The following CDA variants were observed in gnomAD, a reference collection of about 807,000 sequenced individuals.
CDA encodes cytidine deaminase.
A neutral mutation model predicts 15.0 loss-of-function variants in CDA; 7 were observed. The observed-to-expected ratio is 0.47, with a 90% CI of 0.26 to 0.87. The LOEUF (loss-of-function observed/expected upper bound fraction) is 0.87. CDA is among the 40% of genes least tolerant of loss of function. The pLI is 0.15. For missense variants in CDA, 159 were observed against 182.7 expected (o/e 0.87, Z 0.75); for synonymous variants, 58 against 73.0 (o/e 0.79, Z 1.05).
rs753467169 is a variant in CDA at position 20,618,572 on chromosome 1, C to G, written c.*4C>G. The G allele has an allele frequency of 5.9e-6, 9 of 1,525,824 alleles. No individual in the cohort carries two copies. In the South Asian group the frequency reaches 9.0e-5, roughly 15 times the overall value. The allele number at this position is 1,525,824 out of a possible 1,614,324, so 94.5% of individuals were successfully genotyped here. A position where few individuals can be genotyped will look rare whatever the true frequency, so the allele number is the denominator to read the frequency against. The stretch of plus-strand genomic sequence containing the variant: ...GGACCTGCAGAAGACCCAGTGACAG[C>G]CAGAGAATGCCCACTGCCTGTAACA... On this transcript the variant is annotated 3_prime_UTR_variant, in exon 4 of 4. Coordinates refer to ENST00000375071, the MANE Select transcript of CDA (RefSeq NM_001785.3).
At chr1:20,597,168 G>A (rs2052598996) in intron 1 of CDA, among the ~76,000 whole-genome samples, 1 of 152,132 alleles carries the variant, frequency 6.6e-6, no homozygotes. Context: ...GAAGAGTCTG[G>A]CCGGGCGCCG....
At chr1:20,608,349 A>G (rs2052713241) in intron 2 of CDA, among the ~76,000 whole-genome samples, 1 of 118,320 alleles carries the variant, frequency 8.5e-6, no homozygotes, top group Admixed American at 9.4e-5. Context: ...CGATTTCTGT[A>G]AAGTTCCTGA....
At chr1:20,602,206 G>GTA (rs959727921) in intron 1 of CDA, among the ~76,000 whole-genome samples, 30 of 151,924 alleles carry the variant, frequency 2.0e-4, no homozygotes, top group African/African-American at 7.0e-4. Context: ...AAATCAATAA[G>GTA]TATACAGTGA....
chr1:20,613,519 A>G (rs1010723220), intron 2 of CDA, among the ~76,000 whole-genome samples: 2 of 152,216 alleles, frequency 1.3e-5, no homozygotes, highest in Non-Finnish European at 2.9e-5. Flanking sequence ...TTTGTTTAAC[A>G]TGATAACTCA....
intron 1 of CDA, among the ~76,000 whole-genome samples, chr1:20,592,783 G>C (rs982453031): frequency 2.0e-5 from 3 of 152,314 alleles, no homozygotes; most frequent in African/African-American, 7.2e-5. Flanking sequence ...CATGGACCGG[G>C]CCTGGCATGG....
intron 2 of CDA, 97 bp from the exon 3 acceptor site, chr1:20,613,745 C>T (rs1553143752): frequency 8.4e-7 from 1 of 1,192,194 alleles, no homozygotes; most frequent in South Asian, 1.2e-5. Flanking sequence ...GGGTATGACC[C>T]AAATCAGGAA....
chr1:20,601,200 C>A (rs182165520), intron 1 of CDA, among the ~76,000 whole-genome samples: 1 of 152,168 alleles, frequency 6.6e-6, no homozygotes, highest in African/African-American at 2.4e-5. Flanking sequence ...CCATTTCAGC[C>A]TCTCTCATTG....
At chr1:20,595,626 G>C (rs2052585677) in intron 1 of CDA, among the ~76,000 whole-genome samples, 1 of 152,164 alleles carries the variant, frequency 6.6e-6, no homozygotes, top group Non-Finnish European at 1.5e-5. Context: ...TCACTCAAAA[G>C]TGGCTCATTT....
chr1:20,595,765 C>T (rs188313511), intron 1 of CDA, among the ~76,000 whole-genome samples: 137 of 140,914 alleles, frequency 9.7e-4, no homozygotes, highest in African/African-American at 3.3e-3. Context: ...GCCTGAGCCC[C>T]GGTGGTGGAG....
chr1:20,618,492 G>T lies in CDA; in HGVS notation c.365G>T (p.Gly122Val). The T allele has an allele frequency of 6.2e-7, 1 of 1,613,658 alleles. No homozygotes were observed. Residue 122 changes from glycine to valine, a missense_variant, in exon 4 of 4, where the codon GGT becomes GTT. Physicochemically the swap from Gly to Val is moderately radical, Grantham distance 109. Transcript: ENST00000375071. ...CCCGTGTACATGACCAAGCCGGATG[G>T]TACGTATATTGTCATGACGGTCCAG... ...NWPVYMTKPD[G>V]TYIVMTVQEL...
At chr1:20,593,139 T>G (rs1157295696) in intron 1 of CDA, among the ~76,000 whole-genome samples, 1 of 152,064 alleles carries the variant, frequency 6.6e-6, no homozygotes, top group South Asian at 2.1e-4. Flanking sequence ...CACATGGCTT[T>G]AGGATCGCCA....
intron 1 of CDA, among the ~76,000 whole-genome samples, chr1:20,594,903 T>C (rs2052579994): frequency 1.3e-5 from 2 of 151,996 alleles, no homozygotes; most frequent in African/African-American, 2.4e-5. Context: ...CCGGTGTTCG[T>C]GCAGCGCCGG....
chr1:20,589,388 G>A (rs1205748076), intron 1 of CDA, 105 bp downstream of exon 1: 10 of 1,124,512 alleles, frequency 8.9e-6, no homozygotes, highest in East Asian at 5.1e-5. Context: ...GCAAGAGCGC[G>A]GCTCTGTCCC....
chr1:20,613,936 C>T (rs567563710), intron 3 of CDA, 37 bp downstream of exon 3: 25 of 1,600,298 alleles, frequency 1.6e-5, no homozygotes, highest in African/African-American at 2.7e-5. Flanking sequence ...ATGCAAATAT[C>T]TTCCCTGTCG....
chr1:20,595,107 G>A (rs2052581733), intron 1 of CDA, among the ~76,000 whole-genome samples: 1 of 152,166 alleles, frequency 6.6e-6, no homozygotes, highest in Admixed American at 6.5e-5. Flanking sequence ...CCCAAGGGAT[G>A]GGAGGGTTTA....
At chr1:20,595,096 A>G (rs1300994304) in intron 1 of CDA, among the ~76,000 whole-genome samples, 1 of 152,098 alleles carries the variant, frequency 6.6e-6, no homozygotes, top group Non-Finnish European at 1.5e-5. Context: ...TGCTGGCACA[A>G]CCCAAGGGAT....
At chr1:20,613,604 A>G (rs2052774004) in intron 2 of CDA, among the ~76,000 whole-genome samples, 1 of 152,250 alleles carries the variant, frequency 6.6e-6, no homozygotes, top group African/African-American at 2.4e-5. Flanking sequence ...GTAAGTGCTC[A>G]GTAAACGTTT....
intron 2 of CDA, among the ~76,000 whole-genome samples, chr1:20,611,907 G>C (rs1040301282): frequency 6.6e-6 from 1 of 152,096 alleles, no homozygotes; most frequent in Non-Finnish European, 1.5e-5. Flanking sequence ...CTGTCACCCA[G>C]GCTGGAGTGC....
chr1:20,614,291 G>GA (rs35735696), intron 3 of CDA, among the ~76,000 whole-genome samples: 33,812 of 148,962 alleles, frequency 0.23, 4,054 homozygotes, highest in African/African-American at 0.32. Context: ...ACAAAATGCA[G>GA]AAAAAAAAAA....
Sources: gnomAD v4.1 joint callset for allele counts (sites outside exome capture counted in the v4.1 genomes callset) on GRCh38, gnomAD v4.1.1 for gene constraint, MANE v1.5 for transcripts, NCBI Gene and HGNC (gene_info 2026-07-23, HGNC 2026-07-21) for gene names.